Variants in OSGEP observed in about 807,000 individuals in gnomAD.
OSGEP encodes tRNA N6-adenosine threonylcarbamoyltransferase.
A neutral mutation model predicts 44.1 loss-of-function variants in OSGEP; 39 were observed. The ratio of observed to expected loss-of-function variants is 0.88; its 90% confidence interval spans 0.69 to 1.16. The LOEUF is 1.16. OSGEP is among the 50% of genes most tolerant of loss of function. The probability of loss-of-function intolerance (pLI) is 0.00; values close to 1 mark genes in which losing one functional copy is unlikely to be tolerated. For synonymous variants in OSGEP, 139 were observed against 161.9 expected (o/e 0.86, Z 1.07); for missense variants, 403 against 443.1 (o/e 0.91, Z 0.81).
At chr14:20,448,609 A>G (rs762957253) in intron 6 of OSGEP, 124 bp downstream of exon 6, 49 of 677,538 alleles carry the variant, frequency 7.2e-5, no homozygotes, top group South Asian at 1.3e-4. Flanking sequence ...TACCCAGCAC[A>G]TGATATGGAC....
At chr14:20,453,687 A>C (rs1881171601) in intron 1 of OSGEP, among the ~76,000 whole-genome samples, 1 of 152,154 alleles carries the variant, frequency 6.6e-6, no homozygotes, top group African/African-American at 2.4e-5. Flanking sequence ...ACTTTCATCT[A>C]ATCTTCAAGA....
chr14:20,451,918 A>G lies in OSGEP; in HGVS notation c.411+56T>C, dbSNP rs73587082. The G allele has an allele frequency of 3.4e-3, 4,813 of 1,421,280 alleles. 147 individuals are homozygous for G. The African/African-American group carries it at 0.062, about 18-fold the overall frequency. 88.0% of individuals were successfully genotyped at this position (1,421,280 alleles called of 1,614,324 possible). On this transcript the variant is annotated intron_variant, in intron 3 of 10. Coordinates refer to ENST00000206542, the MANE Select transcript of OSGEP (RefSeq NM_017807.4). ...CCCATGACTCAGATAGAACAAAGAAAATACTGGTTCAGTGCCTCAGAAATT... is the reference window on the plus strand; with the variant it reads ...CCCATGACTCAGATAGAACAAAGAAGATACTGGTTCAGTGCCTCAGAAATT...
chr14:20,447,807 G>A, intron 8 of OSGEP, 97 bp downstream of exon 8: 1 of 1,224,946 alleles, frequency 8.2e-7, no homozygotes, highest in Non-Finnish European at 1.2e-6. Flanking sequence ...GGCAAGGATT[G>A]GGAAGCCTAC....
rs996196172 is a variant in OSGEP at position 20,454,751 on chromosome 14, G to A, written c.-68C>T. ...TCAGGAGCTGTGGAGGTCCTCACTA[G>A]TCCGCGCTGGGCCGCAGCTTTCCGG... On this transcript the variant is annotated 5_prime_UTR_variant, in exon 1 of 11. Transcript: ENST00000206542. 3 of 1,165,144 alleles carry A rather than the reference G, an allele frequency of 2.6e-6. No individual in the cohort carries two copies. The highest frequency in any genetic ancestry group is 1.5e-5 in the African/African-American group (1 of 65,464). The allele number at this position is 1,165,144 out of a possible 1,614,324, so 72.2% of individuals were successfully genotyped here.
chr14:20,452,355 T>A lies in OSGEP; in HGVS notation c.209A>T (p.Asp70Val). ...ALTESGLTSQ[D>V]IDCIAYTKGP... is the part of the protein sequence containing the mutation. ...CTTGGTGTATGCAATGCAGTCGATA[T>A]CCTGGGAGGTTAATCCAGACTCTGT... is the stretch of plus-strand genomic sequence containing the variant. The change falls in exon 2 of 11, where the codon GAT becomes GTT. Residue 70 changes from aspartate to valine, a missense_variant. Asp to Val is a radical substitution (Grantham distance 152, BLOSUM62 -3). Transcript: ENST00000206542. 6.2e-7 allele frequency: 1 copy of A among 1,613,994 alleles called. No individual in the cohort carries two copies. Among genetic ancestry groups the A allele is most frequent in the African/African-American group, 1.3e-5 (1 of 75,030 alleles).
rs1881225348 is a variant in OSGEP, at chr14:20,454,738, G to A, written c.-55C>T. The stretch of plus-strand genomic sequence containing the variant: ...ACTCCTGGCAATGTCAGGAGCTGTG[G>A]AGGTCCTCACTAGTCCGCGCTGGGC... On this transcript the variant is annotated 5_prime_UTR_variant, in exon 1 of 11. Transcript: ENST00000206542. The A allele has an allele frequency of 7.4e-6, 10 of 1,352,930 alleles. No individual in the cohort carries two copies. The Admixed American group carries it at 1.2e-4, about 17-fold the overall frequency. 83.8% of individuals were successfully genotyped at this position (1,352,930 alleles called of 1,614,324 possible).
intron 8 of OSGEP, 36 bp downstream of exon 8, chr14:20,447,868 G>A: frequency 1.4e-6 from 2 of 1,456,594 alleles, no homozygotes; most frequent in Non-Finnish European, 1.9e-6. Context: ...ATAGTGTTAA[G>A]AATAGGAAAG....
chr14:20,447,607 G>A lies in OSGEP; in HGVS notation c.869+8C>T. The A allele has an allele frequency of 6.2e-7, 1 of 1,612,048 alleles. No homozygotes were observed. On this transcript the variant is annotated splice_region_variant and intron_variant, in intron 9 of 10. Coordinates refer to ENST00000206542, the MANE Select transcript of OSGEP (RefSeq NM_017807.4). ...GTAAAAAAGAAACCAAAGGGAAAGT[G>A]TCTTTACCTCTCATCTGTAGCAAAA...
intron 1 of OSGEP, 125 bp downstream of exon 1, chr14:20,454,441 TTAA>T (rs1406903683): frequency 2.6e-6 from 2 of 783,332 alleles, no homozygotes; most frequent in African/African-American, 1.7e-5. Context: ...CCTTGTGACG[TTAA>T]TAATGTCACA....
chr14:20,448,660 T>C (rs2139290453), intron 6 of OSGEP, 73 bp downstream of exon 6: 7 of 1,056,196 alleles, frequency 6.6e-6, no homozygotes, highest in Non-Finnish European at 1.0e-5. Context: ...ATACGAAATA[T>C]AATCGTAAGT....
At chr14:20,447,874 G>T in intron 8 of OSGEP, 30 bp downstream of exon 8, 1 of 1,492,316 alleles carries the variant, frequency 6.7e-7, no homozygotes, top group Non-Finnish European at 9.4e-7. Context: ...TTAAGAATAG[G>T]AAAGAGGAAC....
At chr14:20,452,901 G>C (rs1026908251) in intron 1 of OSGEP, among the ~76,000 whole-genome samples, 2 of 151,918 alleles carry the variant, frequency 1.3e-5, no homozygotes, top group African/African-American at 4.8e-5. Context: ...GTAGAGACGG[G>C]GTTTCACCAT....
At position 20,452,027 on chromosome 14, in the gene OSGEP, T is replaced by C. The variant is rs1881113847; in HGVS notation, c.358A>G (p.Ile120Val). 1 of 1,613,338 alleles carries C rather than the reference T, an allele frequency of 6.2e-7. No individual in the cohort carries two copies. Residue 120 changes from isoleucine (I) to valine (V), a missense_variant, in exon 3 of 11, where the codon ATC (isoleucine) becomes GTC (valine). Coordinates refer to ENST00000206542, the MANE Select transcript of OSGEP (RefSeq NM_017807.4). ...ACGGTTGGGCTGGTGGCTCCAGTGA[T>C]GAGGCGGCCCATCTCAATGTGGCCT... ...CIGHIEMGRL[I>V]TGATSPTVLY...
At position 20,447,021 on chromosome 14, in the gene OSGEP, ACATTGGTC is replaced by A. The variant is rs1439775987; in HGVS notation, c.*211_*218del. 3.9e-6 allele frequency: 2 copies of A among 509,732 alleles called. No individual in the cohort carries two copies. The highest frequency in any genetic ancestry group is 7.0e-6 in the Non-Finnish European group (2 of 286,472). 31.6% of individuals were successfully genotyped at this position (509,732 alleles called of 1,614,324 possible). On this transcript the variant is annotated 3_prime_UTR_variant, in exon 11 of 11. Transcript: ENST00000206542. ...CAAGAATTTATCCAGCACCAAATCTACATTGGTCCTGAACAACACAATCCAATCACCAA... is the reference window on the plus strand; with the variant it reads ...CAAGAATTTATCCAGCACCAAATCTACTGAACAACACAATCCAATCACCAA...
intron 6 of OSGEP, 67 bp downstream of exon 6, chr14:20,448,665 GT>G (rs1881020770): frequency 1.8e-6 from 2 of 1,108,068 alleles, no homozygotes; most frequent in Non-Finnish European, 2.8e-6. Flanking sequence ...AAATATAATC[GT>G]AAGTAAAACA....
chr14:20,449,023 G>A lies in OSGEP; in HGVS notation c.508-10C>T. ...TTGGGTCGTTAGAAATCTAGCAGAAGAAAAAAATAAGGAAGGAGGGAATGG... is the reference window on the plus strand; with the variant it reads ...TTGGGTCGTTAGAAATCTAGCAGAAAAAAAAAATAAGGAAGGAGGGAATGG... On this transcript the variant is annotated splice_polypyrimidine_tract_variant and intron_variant, in intron 4 of 10. Coordinates refer to ENST00000206542, the MANE Select transcript of OSGEP (RefSeq NM_017807.4). 6.2e-7 allele frequency: 1 copy of A among 1,611,750 alleles called. No homozygotes were observed. The highest frequency in any genetic ancestry group is 8.5e-7 in the Non-Finnish European group (1 of 1,178,014).
At position 20,454,780 on chromosome 14, in the gene OSGEP, G is replaced by A; in HGVS notation, c.-97C>T. On this transcript the variant is annotated 5_prime_UTR_variant, in exon 1 of 11. Transcript: ENST00000206542. ...GCGCTGGGCCGCAGCTTTCCGGAGC[G>A]CAGAGGAAGCTGGCCAGCCTGCAGA... is the stretch of plus-strand genomic sequence containing the variant. 2 of 869,764 alleles carry A rather than the reference G, an allele frequency of 2.3e-6. No individual in the cohort carries two copies. Among genetic ancestry groups the A allele is most frequent in the East Asian group, 2.6e-5 (1 of 38,240 alleles). 53.9% of individuals were successfully genotyped at this position (869,764 alleles called of 1,614,324 possible).
At chr14:20,451,933 C>A (rs1184280383) in intron 3 of OSGEP, 41 bp downstream of exon 3, 2 of 1,475,570 alleles carry the variant, frequency 1.4e-6, no homozygotes, top group South Asian at 1.3e-5. Flanking sequence ...TGGTTCAGTG[C>A]CTCAGAAATT....
chr14:20,447,198 G>T lies in OSGEP; in HGVS notation c.*42C>A. On this transcript the variant is annotated 3_prime_UTR_variant, in exon 11 of 11. Transcript: ENST00000206542. The stretch of plus-strand genomic sequence containing the variant: ...GAGATTGAGGCACGGGGTCCTTTGG[G>T]TTCCGATTAAGGAACTATCTACTCT... 1 of 1,575,932 alleles carries T rather than the reference G, an allele frequency of 6.3e-7. No individual in the cohort carries two copies. The highest frequency in any genetic ancestry group is 1.1e-5 in the South Asian group (1 of 90,340).
Sources: gnomAD v4.1 joint callset for allele counts (sites outside exome capture counted in the v4.1 genomes callset) on GRCh38, gnomAD v4.1.1 for gene constraint, MANE v1.5 for transcripts, NCBI Gene and HGNC (gene_info 2026-07-23, HGNC 2026-07-21) for gene names.